Variants in MEGF11 observed in about 807,000 individuals in gnomAD.
The protein encoded by MEGF11 is multiple epidermal growth factor-like domains protein 11.
A neutral mutation model predicts 146.6 loss-of-function variants in MEGF11; 126 were observed. The ratio of observed to expected loss-of-function variants is 0.86; its 90% CI spans 0.74 to 1.00. The LOEUF is 1.00. MEGF11 is among the 50% of genes least tolerant of loss of function. The pLI is 0.00. For missense variants in MEGF11, 1,509 were observed against 1,521.2 expected (o/e 0.99, Z 0.13); for synonymous variants, 532 against 583.4 (o/e 0.91, Z 1.27).
At chr15:66,137,738 C>T (rs544482177) in intron 1 of MEGF11, among the ~76,000 whole-genome samples, 59 of 151,566 alleles carry the variant, frequency 3.9e-4, no homozygotes, top group African/African-American at 1.4e-3. Context: ...CTCTTAGAGA[C>T]GAGGTCTCAC....
intron 4 of MEGF11, 28 bp downstream of exon 4, chr15:66,119,057 AG>A: frequency 7.0e-7 from 1 of 1,429,360 alleles, no homozygotes; most frequent in Non-Finnish European, 9.6e-7. Flanking sequence ...TTCCCCACTG[AG>A]GGCAGAACAG....
chr15:65,927,159 G>A (rs570209706), intron 13 of MEGF11, among the ~76,000 whole-genome samples: 40 of 152,288 alleles, frequency 2.6e-4, no homozygotes, highest in African/African-American at 9.4e-4. Context: ...CTGTATTCAT[G>A]GCCTGCTTTT....
At chr15:66,106,927 AC>A (rs1396665822) in intron 4 of MEGF11, among the ~76,000 whole-genome samples, 1 of 151,934 alleles carries the variant, frequency 6.6e-6, no homozygotes, top group Non-Finnish European at 1.5e-5. Flanking sequence ...CCCTTCCAAG[AC>A]CCCCACCTTC....
At chr15:65,951,336 C>G (rs1439941675) in intron 10 of MEGF11, among the ~76,000 whole-genome samples, 2 of 152,208 alleles carry the variant, frequency 1.3e-5, no homozygotes, top group Admixed American at 6.5e-5. Flanking sequence ...GTAGTGCCCC[C>G]TTATCCTTGG....
At chr15:66,175,866 A>C (rs1043626097) in intron 1 of MEGF11, among the ~76,000 whole-genome samples, 5 of 152,246 alleles carry the variant, frequency 3.3e-5, no homozygotes, top group Non-Finnish European at 5.9e-5. Context: ...TGGAATCAAC[A>C]GAGTGAAGAC....
intron 1 of MEGF11, among the ~76,000 whole-genome samples, chr15:66,205,569 C>T (rs1374830539): frequency 3.9e-5 from 6 of 152,198 alleles, no homozygotes; most frequent in African/African-American, 7.2e-5. Context: ...TCAACACACT[C>T]GCTGGTGGTA....
intron 5 of MEGF11, among the ~76,000 whole-genome samples, chr15:66,042,813 C>T (rs2084042655): frequency 6.6e-6 from 1 of 152,220 alleles, no homozygotes; most frequent in Non-Finnish European, 1.5e-5. Context: ...CGGCCTAGGA[C>T]TGCAGGGCAT....
At chr15:65,903,633 G>C (rs1213582721) in intron 24 of MEGF11, among the ~76,000 whole-genome samples, 3 of 152,218 alleles carry the variant, frequency 2.0e-5, no homozygotes, top group Non-Finnish European at 4.4e-5. Flanking sequence ...TTAACTCCTA[G>C]GCTAGGGCTT....
chr15:66,196,129 G>C (rs1002606706), intron 1 of MEGF11, among the ~76,000 whole-genome samples: 2 of 152,118 alleles, frequency 1.3e-5, no homozygotes, highest in Non-Finnish European at 2.9e-5. Context: ...ACCAGTGCTG[G>C]GAGATGAGGC....
chr15:65,964,847 C>G (rs2080998815), intron 9 of MEGF11, 61 bp downstream of exon 9: 1 of 1,453,840 alleles, frequency 6.9e-7, no homozygotes, highest in Admixed American at 2.2e-5. Context: ...TCCTAGCAAG[C>G]CTCCTCTCTA....
chr15:65,935,072 G>C (rs1460523156), intron 10 of MEGF11, among the ~76,000 whole-genome samples: 1 of 152,130 alleles, frequency 6.6e-6, no homozygotes, highest in Non-Finnish European at 1.5e-5. Context: ...TGTAATCCCA[G>C]CGCTTTGGGA....
At chr15:66,015,707 G>A (rs1596991959) in intron 5 of MEGF11, among the ~76,000 whole-genome samples, 1 of 152,166 alleles carries the variant, frequency 6.6e-6, no homozygotes, top group Non-Finnish European at 1.5e-5. Flanking sequence ...TAGAAAAGCA[G>A]ACCTGTGGTG....
At chr15:66,117,555 T>TC (rs546254541) in intron 4 of MEGF11, among the ~76,000 whole-genome samples, 180 of 152,318 alleles carry the variant, frequency 1.2e-3, no homozygotes, top group African/African-American at 4.2e-3. Context: ...TTCCTGGATC[T>TC]CTGCGCTGAC....
At chr15:65,995,093 T>C (rs571994795) in intron 5 of MEGF11, among the ~76,000 whole-genome samples, 1 of 152,260 alleles carries the variant, frequency 6.6e-6, no homozygotes, top group South Asian at 2.1e-4. Flanking sequence ...ATCTGGGATC[T>C]TGAAGGAGGA....
intron 5 of MEGF11, among the ~76,000 whole-genome samples, chr15:66,060,876 C>T (rs908792081): frequency 3.9e-5 from 6 of 152,242 alleles, no homozygotes; most frequent in African/African-American, 1.4e-4. Context: ...GGGACGGAAA[C>T]AGAGACCCTC....
chr15:65,952,022 G>C (rs2080421594), intron 10 of MEGF11, among the ~76,000 whole-genome samples: 1 of 152,038 alleles, frequency 6.6e-6, no homozygotes. Context: ...TTTTTTTAAA[G>C]ATATTTTGAG....
At chr15:65,999,043 ACTT>A (rs2141822622) in intron 5 of MEGF11, among the ~76,000 whole-genome samples, 1 of 134,206 alleles carries the variant, frequency 7.5e-6, no homozygotes, top group African/African-American at 2.9e-5. Flanking sequence ...TGTGGGTGTC[ACTT>A]CTTTTTTTTT....
At chr15:65,903,351 G>C (rs2078540722) in intron 24 of MEGF11, among the ~76,000 whole-genome samples, 1 of 152,206 alleles carries the variant, frequency 6.6e-6, no homozygotes, top group Non-Finnish European at 1.5e-5. Flanking sequence ...GAATCACTGT[G>C]CTAGGGGGAG....
In MEGF11 at chr15:66,081,049, T is replaced by G. The variant is rs375417335; in HGVS notation, c.394+13353A>C. ...AGGCCTCCCGGCTGGCACAGCACCC[T>G]CTGCACACCCACTGCACGCATGAGC... is the stretch of plus-strand genomic sequence containing the variant. On this transcript the variant is annotated intron_variant, in intron 5 of 25. Coordinates refer to ENST00000395614, the MANE Select transcript of MEGF11 (RefSeq NM_001385028.1). Among the ~76,000 whole-genome samples the G allele has an allele frequency of 1.1e-4, 17 of 152,240 alleles. No individual in the cohort carries two copies. In the East Asian group the frequency reaches 3.1e-3, roughly 28 times the overall value.
Sources: gnomAD v4.1 joint callset for allele counts (sites outside exome capture counted in the v4.1 genomes callset) on GRCh38, gnomAD v4.1.1 for gene constraint, MANE v1.5 for transcripts, NCBI Gene and HGNC (gene_info 2026-07-23, HGNC 2026-07-21) for gene names.